Variants in PACS2 observed in about 807,000 individuals in gnomAD.
PACS2 encodes the protein PACS1-like protein.
PACS2 carries 36 observed loss-of-function variants against 113.0 expected under a neutral mutation model. The ratio of observed to expected loss-of-function variants is 0.32; its 90% CI spans 0.24 to 0.42. The LOEUF is 0.42. Ranked by LOEUF, PACS2 falls within the 10% of genes least tolerant of loss-of-function variation. PACS2 has a pLI of 1.00. For missense variants in PACS2, 1,015 were observed against 1,239.5 expected (o/e 0.82, Z 2.72); for synonymous variants, 589 against 536.1 (o/e 1.10, Z -1.36).
upstream of PACS2, among the ~76,000 whole-genome samples, chr14:105,311,459 T>G (rs1201775461): frequency 6.6e-6 from 1 of 152,164 alleles, no homozygotes; most frequent in African/African-American, 2.4e-5. Flanking sequence ...TTTGCCATAT[T>G]GCCCAAGCTG....
Position 105,366,148 on chromosome 14 carries a change from G to T in PACS2, c.424-1065G>T, listed in dbSNP as rs1455573767. On this transcript the variant is annotated intron_variant, in intron 4 of 24. Coordinates refer to ENST00000447393, the MANE Select transcript of PACS2 (RefSeq NM_001100913.3). This position sits in a 1 kb window ranked among gnomAD's most constrained non-coding sequence, Gnocchi z 4.3. ...GCAGATCATTTGAGGTCAGGAGTTT[G>T]AGACCATCCTGGCCAACATGGTGAA... Among the ~76,000 whole-genome samples, 7 of 151,766 alleles carry T rather than the reference G, an allele frequency of 4.6e-5. No homozygotes were observed. The highest frequency in any genetic ancestry group is 1.7e-4 in the African/African-American group (7 of 41,034).
At chr14:105,304,736 A>G (rs1288469042) in intron 1 of PACS2, among the ~76,000 whole-genome samples, 7 of 152,244 alleles carry the variant, frequency 4.6e-5, no homozygotes, top group Non-Finnish European at 1.5e-5. Flanking sequence ...CAGAGGCCTC[A>G]CAATCATGGA....
chr14:105,326,370 T>C (rs2059107138), intron 1 of PACS2, among the ~76,000 whole-genome samples: 1 of 152,238 alleles, frequency 6.6e-6, no homozygotes, highest in African/African-American at 2.4e-5. Flanking sequence ...ACATCCTGCA[T>C]CTTCCCAGTC....
At chr14:105,335,369 C>T (rs1039809072) in intron 1 of PACS2, among the ~76,000 whole-genome samples, 37 of 147,114 alleles carry the variant, frequency 2.5e-4, no homozygotes, top group Admixed American at 1.5e-3. Context: ...ACGCTGTGGC[C>T]GGCGCCTGGC....
chr14:105,368,624 C>A, intron 7 of PACS2, 85 bp downstream of exon 7: 1 of 1,029,864 alleles, frequency 9.7e-7, no homozygotes, highest in Non-Finnish European at 1.5e-6. Context: ...GGGACACGGG[C>A]GTGGGAAGTG....
chr14:105,375,190 G>T (rs1407310292), intron 8 of PACS2, among the ~76,000 whole-genome samples: 3 of 151,980 alleles, frequency 2.0e-5, no homozygotes, highest in Admixed American at 6.6e-5. Flanking sequence ...ATTAAAAAAT[G>T]GGCAGGGGGC....
chr14:105,308,611 T>G (rs1334419533), intron 1 of PACS2, among the ~76,000 whole-genome samples: 1 of 151,212 alleles, frequency 6.6e-6, no homozygotes, highest in Non-Finnish European at 1.5e-5. Context: ...GCCTTCTGAG[T>G]AGCTGGGATT....
At position 105,365,523 on chromosome 14, in the gene PACS2, G is replaced by A. The variant is rs1595711573; in HGVS notation, c.424-1690G>A. Among the ~76,000 whole-genome samples the A allele has an allele frequency of 6.6e-6, 1 of 152,122 alleles. No individual in the cohort carries two copies. The highest frequency in any genetic ancestry group is 2.4e-5 in the African/African-American group (1 of 41,432). Reference sequence around the variant, plus strand: ...CCGGCAAAAGCATCTTTGATAAGAGGCCCCATTCCTTCCTGCCCTCCCACC... The same window carrying A: ...CCGGCAAAAGCATCTTTGATAAGAGACCCCATTCCTTCCTGCCCTCCCACC... On this transcript the variant is annotated intron_variant, in intron 4 of 24. Coordinates refer to ENST00000447393, the MANE Select transcript of PACS2 (RefSeq NM_001100913.3). The surrounding 1 kb of genome is among the most constrained non-coding windows in gnomAD (Gnocchi z 5.1).
intron 1 of PACS2, among the ~76,000 whole-genome samples, chr14:105,334,546 A>G (rs944165046): frequency 3.0e-4 from 45 of 151,776 alleles, no homozygotes; most frequent in African/African-American, 1.1e-3. Flanking sequence ...CCTGAGGGCC[A>G]GTGCCTACGT....
chr14:105,391,353 A>G (rs2081349064), intron 21 of PACS2, 104 bp downstream of exon 21: 2 of 872,758 alleles, frequency 2.3e-6, no homozygotes, highest in Non-Finnish European at 3.8e-6. Context: ...AGGGCCTGAG[A>G]GCCGCCACGT....
intron 7 of PACS2, 128 bp downstream of exon 7, chr14:105,368,667 G>A (rs1595720036): frequency 7.0e-6 from 5 of 709,706 alleles, no homozygotes; most frequent in African/African-American, 1.8e-5. Flanking sequence ...AGCATGTCCC[G>A]TGGCAGACCC....
rs1308072652 is a variant in PACS2 at position 105,376,227 on chromosome 14, T to C, written c.802-541T>C. ...AGGTGAGACTTGGGTGGGGACACAG[T>C]GGAACATGAAGTGTGCCACGCTGGG... On this transcript the variant is annotated intron_variant, in intron 8 of 24. Transcript: ENST00000447393. This position sits in a 1 kb window ranked among gnomAD's most constrained non-coding sequence, Gnocchi z 4.7. Among the ~76,000 whole-genome samples, 1 of 151,658 alleles carries C rather than the reference T, an allele frequency of 6.6e-6. No homozygotes were observed. The highest frequency in any genetic ancestry group is 2.4e-5 in the African/African-American group (1 of 41,218).
At position 105,348,407 on chromosome 14, in the gene PACS2, C is replaced by T. The variant is rs587632147; in HGVS notation, c.120-86C>T. The stretch of plus-strand genomic sequence containing the variant: ...CCCTGCACCCCAGGGTGCAGGCTCC[C>T]GGGGTGACACAGTGCTGGGACGGCA... On this transcript the variant is annotated intron_variant, in intron 1 of 24. Transcript: ENST00000447393. This position sits in a 1 kb window ranked among gnomAD's most constrained non-coding sequence, Gnocchi z 6.4. 9 of 1,053,022 alleles carry T rather than the reference C, an allele frequency of 8.5e-6. No homozygotes were observed. The highest frequency in any genetic ancestry group is 5.3e-5 in the South Asian group (4 of 75,452). The allele number at this position is 1,053,022 out of a possible 1,614,324, so 65.2% of individuals were successfully genotyped here.
chr14:105,311,855 A>G (rs2058358443), upstream of PACS2, among the ~76,000 whole-genome samples: 1 of 152,172 alleles, frequency 6.6e-6, no homozygotes, highest in East Asian at 1.9e-4. Context: ...AGCCTCAGTC[A>G]TGGCCATGTG....
In PACS2 at chr14:105,315,665, G is replaced by T. The variant is rs1263856364; in HGVS notation, c.119+628G>T. 6.6e-6 allele frequency: 1 copy of T among 152,308 alleles called. No individual in the cohort carries two copies. Among genetic ancestry groups the T allele is most frequent in the Non-Finnish European group, 1.5e-5 (1 of 68,084 alleles). The allele number at this position is 152,308 out of a possible 1,614,324, so 9.4% of individuals were successfully genotyped here. On this transcript the variant is annotated intron_variant, in intron 1 of 24. Coordinates refer to ENST00000447393, the MANE Select transcript of PACS2 (RefSeq NM_001100913.3). The surrounding 1 kb of genome is among the most constrained non-coding windows in gnomAD (Gnocchi z 4.4). Reference sequence around the variant, plus strand: ...ACTGGCTGTTCTGCACTTGGTAGGGGGGCGCCCGGTCGCCCAGCGGTAACG... The same window carrying T: ...ACTGGCTGTTCTGCACTTGGTAGGGTGGCGCCCGGTCGCCCAGCGGTAACG...
At chr14:105,328,498 C>G (rs2059199761) in intron 1 of PACS2, among the ~76,000 whole-genome samples, 3 of 152,216 alleles carry the variant, frequency 2.0e-5, no homozygotes, top group African/African-American at 7.2e-5. Flanking sequence ...CCATAGAGAA[C>G]AGGGGCCCAG....
rs142217861 is a variant in PACS2, at chr14:105,349,989, G to A, written c.207+1409G>A. On this transcript the variant is annotated intron_variant, in intron 2 of 24. Coordinates refer to ENST00000447393, the MANE Select transcript of PACS2 (RefSeq NM_001100913.3). Reference sequence around the variant, plus strand: ...CAGGACCCCGAGAACTTCCGGGAGCGCGTGGCTAATAGCAGGACCCCGAGA... The same window carrying A: ...CAGGACCCCGAGAACTTCCGGGAGCACGTGGCTAATAGCAGGACCCCGAGA... Among the ~76,000 whole-genome samples the A allele has an allele frequency of 2.7e-4, 41 of 149,722 alleles. No homozygotes were observed. The East Asian group carries it at 8.0e-3, about 29-fold the overall frequency.
At chr14:105,373,916 T>C (rs2061249608) in intron 8 of PACS2, among the ~76,000 whole-genome samples, 1 of 151,960 alleles carries the variant, frequency 6.6e-6, no homozygotes, top group African/African-American at 2.4e-5. Context: ...GGCTTGAGGC[T>C]CAAGTGACCC....
rs1329200556 is a variant in PACS2, at chr14:105,394,701, C to T, written c.*29C>T. The T allele has an allele frequency of 3.5e-6, 5 of 1,414,186 alleles. No individual in the cohort carries two copies. Among genetic ancestry groups the T allele is most frequent in the Non-Finnish European group, 5.0e-6 (5 of 998,096 alleles). The allele number at this position is 1,414,186 out of a possible 1,614,324, so 87.6% of individuals were successfully genotyped here. On this transcript the variant is annotated 3_prime_UTR_variant, in exon 25 of 25. Coordinates refer to ENST00000447393, the MANE Select transcript of PACS2 (RefSeq NM_001100913.3). ...CACCCACCAGGGGGCCCACCTCCTG[C>T]CCCATGCTGTGAGGGGCCCAGCTGC...
Sources: allele counts gnomAD v4.1 joint callset (sites outside exome capture counted in the v4.1 genomes callset), GRCh38; gene constraint gnomAD v4.1.1; non-coding constraint Gnocchi (gnomAD v3.1); transcripts MANE v1.5; gene names NCBI Gene and HGNC (gene_info 2026-07-23, HGNC 2026-07-21).